Variants in TBL3 observed in about 807,000 individuals in gnomAD.
TBL3 encodes the protein transducin beta like 3, also known as transducin beta-like protein 3.
TBL3 carries 71 observed loss-of-function variants against 102.7 expected under a neutral mutation model. That is an observed-to-expected ratio of 0.69 (90% CI 0.57 to 0.84). The LOEUF is 0.84. TBL3 is among the 40% of genes least tolerant of loss of function. The probability of loss-of-function intolerance (pLI) is 0.00; values close to 1 mark genes in which losing one functional copy is unlikely to be tolerated. For missense variants in TBL3, 1,188 were observed against 1,098.5 expected (o/e 1.08, Z -1.15); for synonymous variants, 578 against 477.7 (o/e 1.21, Z -2.74).
In TBL3 at chr16:1,974,579, G is replaced by C. The variant is rs781665161; in HGVS notation, c.279G>C (p.Trp93Cys). ...GTCGGGCATTGCTGCTGGCTCAGTG[G>C]GCCTGGCAAGAGGGCAGCGTTACCC... is the stretch of plus-strand genomic sequence containing the variant. The part of the protein sequence containing the change: ...TASRALLLAQ[W>C]AWQEGSVTRL... Residue 93 changes from tryptophan (W) to cysteine (C), a missense_variant, in exon 5 of 22, where the codon TGG becomes TGC. Trp to Cys is a radical substitution (Grantham distance 215). Coordinates refer to ENST00000568546, the MANE Select transcript of TBL3 (RefSeq NM_006453.3). 6.2e-7 allele frequency: 1 copy of C among 1,611,196 alleles called. No individual in the cohort carries two copies. Among genetic ancestry groups the C allele is most frequent in the East Asian group, 2.2e-5 (1 of 44,796 alleles).
chr16:1,980,081 G>A lies in TBL3; in HGVS notation c.*1396G>A. ...TCCCGCGTGTCCTGGGTACAGAAGG[G>A]CTGCAGGCAGCGCAGGCTCTGAGCC... On this transcript the variant is annotated 3_prime_UTR_variant, in exon 22 of 22. Transcript: ENST00000568546. The A allele has an allele frequency of 6.2e-7, 1 of 1,607,500 alleles. No homozygotes were observed. Among genetic ancestry groups the A allele is most frequent in the South Asian group, 1.1e-5 (1 of 90,064 alleles).
Position 1,978,404 on chromosome 16 carries a change from G to A in TBL3, c.2226G>A (p.Glu742=), listed in dbSNP as rs1309638919. 2 of 1,611,364 alleles carry A rather than the reference G, an allele frequency of 1.2e-6. No homozygotes were observed. Among genetic ancestry groups the A allele is most frequent in the African/African-American group, 2.7e-5 (2 of 74,998 alleles). The change falls in exon 21 of 22, where the codon GAG becomes GAA. Residue 742 remains glutamate, a synonymous_variant. Transcript: ENST00000568546. Reference sequence around the variant, plus strand: ...TGCTGGGTGTGCTCTTGAGGCGAGAGGCCCCCGAGGAGCTGCTGGCCTACG... The same window carrying A: ...TGCTGGGTGTGCTCTTGAGGCGAGAAGCCCCCGAGGAGCTGCTGGCCTACG... ...QAVLGVLLRR[E]APEELLAYEG...
chr16:1,979,324 G>A lies in TBL3; in HGVS notation c.*639G>A. 1 of 1,574,868 alleles carries A rather than the reference G, an allele frequency of 6.3e-7. No individual in the cohort carries two copies. The highest frequency in any genetic ancestry group is 8.6e-7 in the Non-Finnish European group (1 of 1,167,888). On this transcript the variant is annotated 3_prime_UTR_variant, in exon 22 of 22. Coordinates refer to ENST00000568546, the MANE Select transcript of TBL3 (RefSeq NM_006453.3). ...CCTTCCGGCCGCAGCAGCACCGCGG[G>A]GAGTAGGCCCGCCCGGTCGCCGTAC...
Position 1,980,582 on chromosome 16 carries a change from T to A in TBL3, c.*1897T>A. The stretch of plus-strand genomic sequence containing the variant: ...CAAAAACGTACTGTGATACGCCGCT[T>A]TGGGCTTCACTGGTCCCTGGCGCCC... On this transcript the variant is annotated 3_prime_UTR_variant, in exon 22 of 22. Transcript: ENST00000568546. 1 of 1,595,848 alleles carries A rather than the reference T, an allele frequency of 6.3e-7. No individual in the cohort carries two copies. The highest frequency in any genetic ancestry group is 8.5e-7 in the Non-Finnish European group (1 of 1,169,830).
At chr16:1,972,647 G>A (rs914382850) in intron 1 of TBL3, among the ~76,000 whole-genome samples, 3 of 152,238 alleles carry the variant, frequency 2.0e-5, no homozygotes, top group African/African-American at 7.2e-5. Flanking sequence ...AAGCCCAGGA[G>A]GCCCTGAGTG....
Position 1,979,247 on chromosome 16 carries a change from C to A in TBL3, c.*562C>A. On this transcript the variant is annotated 3_prime_UTR_variant, in exon 22 of 22. Transcript: ENST00000568546. Reference sequence around the variant, plus strand: ...GTTCAGGGAAGCCCCGGGCCTCACCCGCCGGGTCGTCTCCTCCACGGAACC... The same window carrying A: ...GTTCAGGGAAGCCCCGGGCCTCACCAGCCGGGTCGTCTCCTCCACGGAACC... 2 of 1,515,992 alleles carry A rather than the reference C, an allele frequency of 1.3e-6. No individual in the cohort carries two copies. The highest frequency in any genetic ancestry group is 1.2e-5 in the South Asian group (1 of 81,708). 93.9% of individuals were successfully genotyped at this position (1,515,992 alleles called of 1,614,324 possible). A position where few individuals can be genotyped will look rare whatever the true frequency, so the allele number is the denominator to read the frequency against.
rs2083418761 is a variant in TBL3 at position 1,978,034 on chromosome 16, C to G, written c.2035C>G (p.Pro679Ala). The G allele has an allele frequency of 6.2e-7, 1 of 1,606,880 alleles. No individual in the cohort carries two copies. Among genetic ancestry groups the G allele is most frequent in the Non-Finnish European group, 8.5e-7 (1 of 1,176,532 alleles). Reference sequence around the variant, plus strand: ...GGGCCTGGCCATCTCCCTGGATCGGCCCCACACCGTGCTGACTGTCATCCA... The same window carrying G: ...GGGCCTGGCCATCTCCCTGGATCGGGCCCACACCGTGCTGACTGTCATCCA... ...ALGLAISLDRPHTVLTVIQAI... is the reference protein window; with the variant it reads ...ALGLAISLDRAHTVLTVIQAI... Residue 679 changes from proline to alanine, a missense_variant, in exon 19 of 22, where the codon CCC (proline) becomes GCC (alanine). Physicochemically the swap from Pro to Ala is conservative, Grantham distance 27 (BLOSUM62 -1). Coordinates refer to ENST00000568546, the MANE Select transcript of TBL3 (RefSeq NM_006453.3).
rs1252355646 is a variant in TBL3 at position 1,975,530 on chromosome 16, C to T, written c.807C>T (p.Gly269=). 1.3e-6 allele frequency: 2 copies of T among 1,597,862 alleles called. No homozygotes were observed. Among genetic ancestry groups the T allele is most frequent in the African/African-American group, 1.3e-5 (1 of 74,940 alleles). ...GLYFLTAGDQ[G]TLRVWEAASG... is the part of the protein sequence containing the mutation. ...GCAGCCCTGTCCCCACCCACACAGG[C>T]ACTCTGCGCGTGTGGGAGGCAGCTT... The change falls in exon 10 of 22, where the codon GGC becomes GGT. Residue 269 remains glycine, a splice_region_variant and synonymous_variant. Transcript: ENST00000568546.
Position 1,981,957 on chromosome 16 carries a change from G to C in TBL3, c.*3272G>C, listed in dbSNP as rs1214378464. On this transcript the variant is annotated 3_prime_UTR_variant, in exon 22 of 22. Transcript: ENST00000568546. ...GGTCAGGGAAGTGGTCACTAGGGCT[G>C]TTTTGAGAACCACCTCTCAATTCAC... 2 of 152,132 alleles carry C rather than the reference G, an allele frequency of 1.3e-5. No individual in the cohort carries two copies. Among genetic ancestry groups the C allele is most frequent in the African/African-American group, 4.8e-5 (2 of 41,394 alleles). 9.4% of individuals were successfully genotyped at this position (152,132 alleles called of 1,614,324 possible). A position where few individuals can be genotyped will look rare whatever the true frequency, so the allele number is the denominator to read the frequency against.
rs1347199517 is a variant in TBL3, at chr16:1,974,682, A to C, written c.379+3A>C. 6.2e-7 allele frequency: 1 copy of C among 1,610,534 alleles called. No homozygotes were observed. The highest frequency in any genetic ancestry group is 1.7e-5 in the Admixed American group (1 of 59,944). On this transcript the variant is annotated splice_donor_region_variant and intron_variant, in intron 5 of 21. Transcript: ENST00000568546. ...CACCTCCACTCTGCTAGCCACAGGT[A>C]GGGCCCTGCCGTGCAGGTGGGTCGT...
In TBL3 at chr16:1,981,504, T is replaced by G. The variant is rs1597060310; in HGVS notation, c.*2819T>G. 2.5e-6 allele frequency: 1 copy of G among 403,434 alleles called. No homozygotes were observed. The highest frequency in any genetic ancestry group is 4.4e-6 in the Non-Finnish European group (1 of 226,130). The allele number at this position is 403,434 out of a possible 1,614,324, so 25.0% of individuals were successfully genotyped here. A position where few individuals can be genotyped will look rare whatever the true frequency, so the allele number is the denominator to read the frequency against. On this transcript the variant is annotated 3_prime_UTR_variant, in exon 22 of 22. Transcript: ENST00000568546. Reference sequence around the variant, plus strand: ...GCGAAGGGTAGGCGGGACTGCTGCCTGGGGCCCTCCTGCCTGCCTCTGGCC... The same window carrying G: ...GCGAAGGGTAGGCGGGACTGCTGCCGGGGGCCCTCCTGCCTGCCTCTGGCC...
At chr16:1,973,476 G>A (rs899021304) in intron 1 of TBL3, among the ~76,000 whole-genome samples, 1 of 152,194 alleles carries the variant, frequency 6.6e-6, no homozygotes, top group Non-Finnish European at 1.5e-5. Flanking sequence ...TAGGTAGGGG[G>A]TCCAGTGAAG....
chr16:1,975,086 A>G lies in TBL3; in HGVS notation c.623A>G (p.His208Arg). The change falls in exon 7 of 22, where the codon CAC becomes CGC. Residue 208 changes from histidine (H) to arginine (R), a missense_variant. His to Arg is a conservative substitution (Grantham distance 29). Coordinates refer to ENST00000568546, the MANE Select transcript of TBL3 (RefSeq NM_006453.3). ...VTSLAFSADG[H>R]TMLSSGRDKI... ...TCACTGGCCTTCAGCGCCGACGGCC[A>G]CACCATGCTCAGGTCAGCAGTGGGC... 6.2e-7 allele frequency: 1 copy of G among 1,611,184 alleles called. No homozygotes were observed.
At position 1,977,679 on chromosome 16, in the gene TBL3, C is replaced by T. The variant is rs200046827; in HGVS notation, c.1899+9C>T. The T allele has an allele frequency of 1.3e-6, 2 of 1,551,658 alleles. No homozygotes were observed. Among genetic ancestry groups the T allele is most frequent in the Non-Finnish European group, 8.7e-7 (1 of 1,147,178 alleles). ...GAGTCATCCTCTGGAAGGTTGTGGG[C>T]CCCAAGGGCAGGGAAGAGTCGGGGT... On this transcript the variant is annotated intron_variant, in intron 17 of 21. Coordinates refer to ENST00000568546, the MANE Select transcript of TBL3 (RefSeq NM_006453.3).
Position 1,979,495 on chromosome 16 carries a change from C to G in TBL3, c.*810C>G, listed in dbSNP as rs2150888071. The G allele has an allele frequency of 1.2e-6, 2 of 1,611,948 alleles. No homozygotes were observed. Among genetic ancestry groups the G allele is most frequent in the East Asian group, 4.5e-5 (2 of 44,864 alleles). On this transcript the variant is annotated 3_prime_UTR_variant, in exon 22 of 22. Coordinates refer to ENST00000568546, the MANE Select transcript of TBL3 (RefSeq NM_006453.3). Reference sequence around the variant, plus strand: ...CGCGCCCCCGCGGGCACGGACAGCTCATCTGCGCGGCTGCTCTCGTAGGCG... The same window carrying G: ...CGCGCCCCCGCGGGCACGGACAGCTGATCTGCGCGGCTGCTCTCGTAGGCG...
rs1305198989 is a variant in TBL3 at position 1,980,892 on chromosome 16, G to T, written c.*2207G>T. On this transcript the variant is annotated 3_prime_UTR_variant, in exon 22 of 22. Transcript: ENST00000568546. The stretch of plus-strand genomic sequence containing the variant: ...AGGCAGTCCAGTGGGAGGCAGCCGC[G>T]TGGGGAAGCCGCCACCGCGGCATCA... 6.4e-7 allele frequency: 1 copy of T among 1,550,690 alleles called. No individual in the cohort carries two copies. The highest frequency in any genetic ancestry group is 8.9e-7 in the Non-Finnish European group (1 of 1,127,774).
At chr16:1,975,161 A>G (rs767930467) in intron 7 of TBL3, 26 bp from the exon 8 acceptor site, 1 of 1,613,534 alleles carries the variant, frequency 6.2e-7, no homozygotes, top group Middle Eastern at 1.6e-4. Context: ...CTAAGACTTG[A>G]CCTGAGGTTG....
At position 1,975,542 on chromosome 16, in the gene TBL3, G is replaced by C; in HGVS notation, c.819G>C (p.Val273=). 6.3e-7 allele frequency: 1 copy of C among 1,597,798 alleles called. No homozygotes were observed. Among genetic ancestry groups the C allele is most frequent in the Non-Finnish European group, 8.5e-7 (1 of 1,176,866 alleles). ...LTAGDQGTLR[V]WEAASGQCVY... Reference sequence around the variant, plus strand: ...CCACCCACACAGGCACTCTGCGCGTGTGGGAGGCAGCTTCTGGGCAGTGTG... The same window carrying C: ...CCACCCACACAGGCACTCTGCGCGTCTGGGAGGCAGCTTCTGGGCAGTGTG... The change falls in exon 10 of 22, where the codon GTG becomes GTC. Residue 273 remains valine, a synonymous_variant. Transcript: ENST00000568546.
chr16:1,981,179 T>C lies in TBL3; in HGVS notation c.*2494T>C. On this transcript the variant is annotated 3_prime_UTR_variant, in exon 22 of 22. Coordinates refer to ENST00000568546, the MANE Select transcript of TBL3 (RefSeq NM_006453.3). Reference sequence around the variant, plus strand: ...GAAACTGGGTATCGGGGGCCTGCCATGGCTGTGGCTTCCAGGCTGCAGATT... The same window carrying C: ...GAAACTGGGTATCGGGGGCCTGCCACGGCTGTGGCTTCCAGGCTGCAGATT... 5 of 1,613,654 alleles carry C rather than the reference T, an allele frequency of 3.1e-6. No individual in the cohort carries two copies. The highest frequency in any genetic ancestry group is 4.2e-6 in the Non-Finnish European group (5 of 1,180,012).
Sources: gnomAD v4.1 joint callset for allele counts (sites outside exome capture counted in the v4.1 genomes callset) on GRCh38, gnomAD v4.1.1 for gene constraint, MANE v1.5 for transcripts, NCBI Gene and HGNC (gene_info 2026-07-23, HGNC 2026-07-21) for gene names.